The following SETD7 variants were observed in gnomAD, a reference collection of about 807,000 sequenced individuals.
SETD7 encodes the protein histone-lysine N-methyltransferase SETD7.
Under a neutral mutation model 41.8 loss-of-function variants are expected in SETD7, and 16 were observed. That is an observed-to-expected ratio of 0.38 (90% CI 0.26 to 0.58). The LOEUF is 0.58. Among genes scored for constraint, SETD7 ranks in the 20% least tolerant of loss-of-function variants. SETD7 has a pLI of 0.64. For synonymous variants in SETD7, 163 were observed against 169.7 expected, an observed-to-expected ratio of 0.96 and a Z score of 0.31; for missense variants, 346 against 459.7, an observed-to-expected ratio of 0.75 and a Z score of 2.26.
In SETD7 at chr4:139,556,144, TG is replaced by T; in HGVS notation, c.-8del. On this transcript the variant is annotated 5_prime_UTR_variant, in exon 1 of 8. Coordinates refer to ENST00000274031, the MANE Select transcript of SETD7 (RefSeq NM_030648.4). ...TCTCGTCGTCGCTATCCATGGCGGC[TG>T]GGGACACTGCCCAGCTCGGGGCTGC... 6.3e-7 allele frequency: 1 copy of T among 1,596,108 alleles called. No homozygotes were observed. The highest frequency in any genetic ancestry group is 8.5e-7 in the Non-Finnish European group (1 of 1,172,164).
chr4:139,533,976 T>A (rs1253070163), intron 2 of SETD7, among the ~76,000 whole-genome samples: 2 of 152,102 alleles, frequency 1.3e-5, no homozygotes, highest in Non-Finnish European at 2.9e-5. Flanking sequence ...TATGTATGTA[T>A]GTATGTATGT....
At chr4:139,541,272 G>C (rs72726578) in intron 2 of SETD7, among the ~76,000 whole-genome samples, 19,758 of 152,150 alleles carry the variant, frequency 0.13, 1,532 homozygotes, top group Middle Eastern at 0.2. Context: ...CACCATTCTA[G>C]GATTGTGAAA....
Position 139,509,625 on chromosome 4 carries a change from C to T in SETD7, c.*2038G>A, listed in dbSNP as rs1217438587. 7 of 869,546 alleles carry T rather than the reference C, an allele frequency of 8.1e-6. No homozygotes were observed. The highest frequency in any genetic ancestry group is 1.2e-4 in the East Asian group (1 of 8,268). 53.9% of individuals were successfully genotyped at this position (869,546 alleles called of 1,614,324 possible). A position where few individuals can be genotyped will look rare whatever the true frequency, so the allele number is the denominator to read the frequency against. ...GACCTGGCTGCACAACCCACTTGAT[C>T]GAGGTTAATGCAAGCCATCTTTCTC... is the stretch of plus-strand genomic sequence containing the variant. On this transcript the variant is annotated 3_prime_UTR_variant, in exon 8 of 8. Transcript: ENST00000274031.
chr4:139,539,869 G>A (rs1033890513), intron 2 of SETD7, among the ~76,000 whole-genome samples: 1 of 152,172 alleles, frequency 6.6e-6, no homozygotes, highest in Non-Finnish European at 1.5e-5. Context: ...GATATCAGGA[G>A]AAGATGGACA....
In SETD7 at chr4:139,556,083, G is replaced by A. The variant is rs993563316; in HGVS notation, c.40+15C>T. ...CTCTGCGCCTCCTCCCCCGGCCCCG[G>A]AGAAATGCTTGTACCTTCCACCGCC... On this transcript the variant is annotated intron_variant, in intron 1 of 7. Coordinates refer to ENST00000274031, the MANE Select transcript of SETD7 (RefSeq NM_030648.4). The A allele has an allele frequency of 4.4e-6, 7 of 1,590,760 alleles. No homozygotes were observed. Among genetic ancestry groups the A allele is most frequent in the Non-Finnish European group, 6.0e-6 (7 of 1,169,740 alleles).
At chr4:139,512,254 A>C (rs1484707896) in intron 7 of SETD7, among the ~76,000 whole-genome samples, 1 of 152,202 alleles carries the variant, frequency 6.6e-6, no homozygotes, top group African/African-American at 2.4e-5. Flanking sequence ...GCAGCATCAG[A>C]TTACGTGGCT....
Position 139,509,965 on chromosome 4 carries a change from G to T in SETD7, c.*1698C>A. On this transcript the variant is annotated 3_prime_UTR_variant, in exon 8 of 8. Coordinates refer to ENST00000274031, the MANE Select transcript of SETD7 (RefSeq NM_030648.4). ...AACCGGGTGCTCTAGGAAGCCTGGTGTTGCAAAGAAGGGAAGGGCAACTCT... is the reference window on the plus strand; with the variant it reads ...AACCGGGTGCTCTAGGAAGCCTGGTTTTGCAAAGAAGGGAAGGGCAACTCT... 3.4e-6 allele frequency: 3 copies of T among 874,632 alleles called. No homozygotes were observed. The highest frequency in any genetic ancestry group is 1.4e-6 in the Non-Finnish European group (1 of 728,850). The allele number at this position is 874,632 out of a possible 1,614,324, so 54.2% of individuals were successfully genotyped here.
chr4:139,552,520 A>G lies in SETD7; in HGVS notation c.40+3578T>C, dbSNP rs543026836. 2.0e-5 allele frequency among the ~76,000 whole-genome samples: 3 copies of G among 152,074 alleles called. No individual in the cohort carries two copies. In the East Asian group the frequency reaches 5.8e-4, roughly 29 times the overall value. ...CTGCCTGTTCCTCTTCCCGGAGTGGAGCCTTGATCCTGTCATTCCCTTTTC... is the reference window on the plus strand; with the variant it reads ...CTGCCTGTTCCTCTTCCCGGAGTGGGGCCTTGATCCTGTCATTCCCTTTTC... On this transcript the variant is annotated intron_variant, in intron 1 of 7. Transcript: ENST00000274031.
chr4:139,526,004 A>G (rs1254343350), intron 4 of SETD7, among the ~76,000 whole-genome samples: 1 of 151,860 alleles, frequency 6.6e-6, no homozygotes, highest in Non-Finnish European at 1.5e-5. Flanking sequence ...TTTGAAGTGA[A>G]TGTTTATTTG....
chr4:139,517,855 TC>T (rs771465969), intron 7 of SETD7, 29 bp downstream of exon 7: 7 of 1,596,998 alleles, frequency 4.4e-6, no homozygotes, highest in Non-Finnish European at 6.0e-6. Flanking sequence ...GAGGCATAGA[TC>T]CGCCCCAGCA....
At chr4:139,502,162 A>G (rs773975517), downstream of SETD7, among the ~76,000 whole-genome samples, 3 of 152,222 alleles carry the variant, frequency 2.0e-5, no homozygotes, top group Non-Finnish European at 2.9e-5. Context: ...CACTCACTCT[A>G]CGAGTATTTA....
At chr4:139,552,207 G>C (rs184302999) in intron 1 of SETD7, among the ~76,000 whole-genome samples, 19 of 152,278 alleles carry the variant, frequency 1.2e-4, no homozygotes, top group African/African-American at 4.6e-4. Flanking sequence ...TACAGGGCAT[G>C]AGCACTCTTA....
intron 2 of SETD7, among the ~76,000 whole-genome samples, chr4:139,537,425 T>C (rs1727669123): frequency 6.6e-6 from 1 of 152,244 alleles, no homozygotes; most frequent in Non-Finnish European, 1.5e-5. Context: ...AGAGCAAGTC[T>C]GCTGGTCACT....
intron 1 of SETD7, among the ~76,000 whole-genome samples, chr4:139,553,443 C>T (rs1560695293): frequency 6.6e-6 from 1 of 152,190 alleles, no homozygotes; most frequent in Non-Finnish European, 1.5e-5. Flanking sequence ...TTAACTGTTG[C>T]TTCCAAACTC....
At chr4:139,553,316 C>T (rs1208270584) in intron 1 of SETD7, among the ~76,000 whole-genome samples, 2 of 152,198 alleles carry the variant, frequency 1.3e-5, no homozygotes, top group Non-Finnish European at 2.9e-5. Flanking sequence ...AAAAAGATAG[C>T]TATTGCAGAG....
downstream of SETD7, among the ~76,000 whole-genome samples, chr4:139,495,701 G>A (rs1003848770): frequency 3.9e-5 from 6 of 152,260 alleles, no homozygotes; most frequent in Non-Finnish European, 7.4e-5. Flanking sequence ...CACCACATAT[G>A]GGAATTACAA....
rs1040183065 is a variant in SETD7, at chr4:139,508,084, G to C, written c.*3579C>G. On this transcript the variant is annotated 3_prime_UTR_variant, in exon 8 of 8. Transcript: ENST00000274031. ...AAATTTACGAAAAGTGCCACATACT[G>C]TCTCCTGGAGAAGACAACCCTTTAA... The C allele has an allele frequency of 1.3e-5, 2 of 152,156 alleles. No homozygotes were observed. Among genetic ancestry groups the C allele is most frequent in the African/African-American group, 4.8e-5 (2 of 41,428 alleles). 9.4% of individuals were successfully genotyped at this position (152,156 alleles called of 1,614,324 possible). A position where few individuals can be genotyped will look rare whatever the true frequency, so the allele number is the denominator to read the frequency against.
At chr4:139,529,442 G>A (rs1304142292) in intron 3 of SETD7, among the ~76,000 whole-genome samples, 1 of 152,180 alleles carries the variant, frequency 6.6e-6, no homozygotes, top group Admixed American at 6.5e-5. Context: ...CGCATTTGGG[G>A]CATGTATGCC....
intron 1 of SETD7, among the ~76,000 whole-genome samples, chr4:139,548,534 A>G (rs1411028702): frequency 6.6e-6 from 1 of 152,198 alleles, no homozygotes; most frequent in Non-Finnish European, 1.5e-5. Context: ...CAGGAGGCTG[A>G]GGCAGGAGAA....
Sources: allele counts gnomAD v4.1 joint callset (sites outside exome capture counted in the v4.1 genomes callset), GRCh38; gene constraint gnomAD v4.1.1; transcripts MANE v1.5; gene names NCBI Gene and HGNC (gene_info 2026-07-23, HGNC 2026-07-21).